The following TSPAN18 variants were observed in gnomAD, a reference collection of about 807,000 sequenced individuals.
TSPAN18 encodes tetraspanin-18.
A neutral mutation model predicts 27.3 loss-of-function variants in TSPAN18; 14 were observed. The ratio of observed to expected loss-of-function variants is 0.51; its 90% CI spans 0.34 to 0.80. The LOEUF is 0.80. TSPAN18 is among the 30% of genes least tolerant of loss of function. The pLI, the probability that TSPAN18 is intolerant of heterozygous loss-of-function variation, is 0.01. For synonymous variants in TSPAN18, 143 were observed against 136.5 expected (o/e 1.05, Z -0.33); for missense variants, 268 against 323.9 (o/e 0.83, Z 1.32).
intron 1 of TSPAN18, chr11:44,736,294 C>T (rs1045576283): frequency 6.6e-5 from 10 of 152,208 alleles, no homozygotes; most frequent in African/African-American, 2.4e-4. Context: ...GGATGTCTCC[C>T]AGGAAACATC....
At chr11:44,903,512 T>C in intron 3 of TSPAN18, 1 of 456,520 alleles carries the variant, frequency 2.2e-6, no homozygotes, top group Non-Finnish European at 4.4e-6. Flanking sequence ...TGGTGACATG[T>C]GCTTTCTGGA....
At chr11:44,734,012 C>G (rs4755280) in intron 1 of TSPAN18, among the ~76,000 whole-genome samples, 18 of 152,064 alleles carry the variant, frequency 1.2e-4, no homozygotes, top group African/African-American at 4.1e-4. Flanking sequence ...GGTGCCCTTC[C>G]TCAAGTGAAT....
chr11:44,836,498 G>A (rs1857266569), intron 2 of TSPAN18, among the ~76,000 whole-genome samples: 8 of 152,230 alleles, frequency 5.3e-5, no homozygotes, highest in Admixed American at 5.2e-4. Flanking sequence ...CGGTGAGGCA[G>A]GAAGTGCTGA....
At chr11:44,760,335 G>T (rs550799750) in intron 1 of TSPAN18, among the ~76,000 whole-genome samples, 7 of 152,194 alleles carry the variant, frequency 4.6e-5, no homozygotes, top group Non-Finnish European at 1.0e-4. Flanking sequence ...AGTAAGGAGG[G>T]TGAGCCCAGC....
intron 2 of TSPAN18, among the ~76,000 whole-genome samples, chr11:44,847,227 G>C (rs1857503515): frequency 6.6e-6 from 1 of 152,188 alleles, no homozygotes; most frequent in East Asian, 1.9e-4. Context: ...GCAGCAAGCA[G>C]AGGCAAAGGC....
chr11:44,840,706 T>C (rs1468843245), intron 2 of TSPAN18, among the ~76,000 whole-genome samples: 1 of 152,208 alleles, frequency 6.6e-6, no homozygotes, highest in African/African-American at 2.4e-5. Flanking sequence ...ATTATCCTGC[T>C]TGATCATGAC....
intron 2 of TSPAN18, among the ~76,000 whole-genome samples, chr11:44,830,733 T>A (rs1185794774): frequency 6.6e-6 from 1 of 152,198 alleles, no homozygotes; most frequent in Admixed American, 6.5e-5. Flanking sequence ...TCAGGCTCAG[T>A]CATTTAAACT....
intron 2 of TSPAN18, among the ~76,000 whole-genome samples, chr11:44,818,838 C>T (rs990281039): frequency 2.0e-5 from 3 of 151,874 alleles, no homozygotes; most frequent in South Asian, 4.2e-4. Flanking sequence ...GGCTGGGGCT[C>T]AAGGGGCCTA....
rs141817410 is a variant in TSPAN18 at position 44,788,382 on chromosome 11, C to G, written c.-153+23870C>G. Among the ~76,000 whole-genome samples the G allele has an allele frequency of 6.2e-3, 941 of 152,040 alleles. 12 individuals are homozygous for G. Among genetic ancestry groups the G allele is most frequent in the African/African-American group, 0.02 (835 of 41,436 alleles). ...GCTTTTCAATTTTAATGAGTTTAAA[C>G]GTCAAGAGGCACACGTGACTAGTGG... is the stretch of plus-strand genomic sequence containing the variant. On this transcript the variant is annotated intron_variant, in intron 2 of 9. Coordinates refer to ENST00000520358, the MANE Select transcript of TSPAN18 (RefSeq NM_130783.5).
chr11:44,913,884 A>G (rs566642161), intron 5 of TSPAN18, among the ~76,000 whole-genome samples: 2 of 152,402 alleles, frequency 1.3e-5, no homozygotes, highest in African/African-American at 4.8e-5. Context: ...GGCTGGGTCC[A>G]GGGGAATTCC....
At position 44,923,641 on chromosome 11, in the gene TSPAN18, C is replaced by G. The variant is rs79375323; in HGVS notation, c.616-3033C>G. ...AGTGTAAATCCTGGCTTCCCTTCCT[C>G]GTGTGTGATCTTAAACAAGTTAGCC... On this transcript the variant is annotated intron_variant, in intron 8 of 9. Coordinates refer to ENST00000520358, the MANE Select transcript of TSPAN18 (RefSeq NM_130783.5). Among the ~76,000 whole-genome samples the G allele has an allele frequency of 1.6e-4, 25 of 152,272 alleles. No individual in the cohort carries two copies. The East Asian group carries it at 4.4e-3, about 27-fold the overall frequency.
chr11:44,779,872 C>T (rs1431356077), intron 2 of TSPAN18, among the ~76,000 whole-genome samples: 1 of 152,028 alleles, frequency 6.6e-6, no homozygotes, highest in Admixed American at 6.5e-5. Context: ...CACCTACACA[C>T]ATACCTGTGT....
At chr11:44,796,754 G>C (rs1223709332) in intron 2 of TSPAN18, among the ~76,000 whole-genome samples, 1 of 152,120 alleles carries the variant, frequency 6.6e-6, no homozygotes, top group Non-Finnish European at 1.5e-5. Flanking sequence ...CCCACCCTCT[G>C]TCTGTCCTCT....
At chr11:44,863,221 G>A (rs4755293) in intron 3 of TSPAN18, among the ~76,000 whole-genome samples, 43,660 of 152,134 alleles carry the variant, frequency 0.29, 6,904 homozygotes, top group African/African-American at 0.41. Context: ...AGTTTCGGAC[G>A]TTAGAAAGGA....
At chr11:44,868,692 C>T (rs750979018) in intron 3 of TSPAN18, among the ~76,000 whole-genome samples, 13 of 152,152 alleles carry the variant, frequency 8.5e-5, no homozygotes, top group African/African-American at 1.9e-4. Context: ...AGCCACTGGC[C>T]GGGAGGAGAA....
intron 3 of TSPAN18, among the ~76,000 whole-genome samples, chr11:44,896,912 G>C (rs1428188108): frequency 6.6e-6 from 1 of 152,038 alleles, no homozygotes. Flanking sequence ...TGGTAGGTGG[G>C]TGAGTGGGTG....
chr11:44,922,773 T>C (rs1860191475), intron 8 of TSPAN18, among the ~76,000 whole-genome samples: 1 of 152,070 alleles, frequency 6.6e-6, no homozygotes, highest in South Asian at 2.1e-4. Context: ...GCTTCTGGTT[T>C]GGGGACGATC....
chr11:44,911,847 T>C (rs1271448927), intron 5 of TSPAN18, among the ~76,000 whole-genome samples: 1 of 152,036 alleles, frequency 6.6e-6, no homozygotes, highest in African/African-American at 2.4e-5. Context: ...AGGAGATGTG[T>C]CCACGATCCT....
intron 2 of TSPAN18, among the ~76,000 whole-genome samples, chr11:44,801,267 C>T (rs1259410515): frequency 6.6e-6 from 1 of 152,176 alleles, no homozygotes; most frequent in Non-Finnish European, 1.5e-5. Flanking sequence ...CTAAATGTTA[C>T]CACTTCAGAA....
Sources: gnomAD v4.1 joint callset for allele counts (sites outside exome capture counted in the v4.1 genomes callset) on GRCh38, gnomAD v4.1.1 for gene constraint, MANE v1.5 for transcripts, NCBI Gene and HGNC (gene_info 2026-07-23, HGNC 2026-07-21) for gene names.